Variants in SYNE2 observed in about 807,000 individuals in gnomAD.
SYNE2 encodes nesprin-2.
In SYNE2, 431 loss-of-function variants were observed where a neutral mutation model predicts 856.3. The ratio of observed to expected loss-of-function variants is 0.50; its 90% CI spans 0.47 to 0.55. The LOEUF is 0.55. Among genes scored for constraint, SYNE2 ranks in the 20% least tolerant of loss-of-function variants. SYNE2 has a pLI of 0.00. For synonymous variants in SYNE2, 2,923 were observed against 2,872.3 expected, an observed-to-expected ratio of 1.02 and a Z score of -0.56; for missense variants, 8,129 against 8,023.2, an observed-to-expected ratio of 1.01 and a Z score of -0.50.
chr14:64,149,435 G>A lies in SYNE2; in HGVS notation c.15640-3129G>A, dbSNP rs376048347. Among the ~76,000 whole-genome samples, 170 of 148,154 alleles carry A rather than the reference G, an allele frequency of 1.1e-3. 3 individuals are homozygous for A. The South Asian group carries it at 0.034, about 29-fold the overall frequency. ...GTGGCTTTACTCTAGAAAAGTTAAG[G>A]ACTGGAGTTGATGAAGCATGAAGAC... On this transcript the variant is annotated intron_variant, in intron 84 of 115. Coordinates refer to ENST00000555002, the MANE Select transcript of SYNE2 (RefSeq NM_182914.3).
intron 100 of SYNE2, among the ~76,000 whole-genome samples, chr14:64,205,050 T>G (rs1358071951): frequency 6.6e-6 from 1 of 152,182 alleles, no homozygotes; most frequent in Non-Finnish European, 1.5e-5. Context: ...TCTAGCTGAC[T>G]CCTCTTCTGC....
At chr14:63,817,278 T>C (rs1889028377) in intron 1 of SYNE2, among the ~76,000 whole-genome samples, 1 of 151,750 alleles carries the variant, frequency 6.6e-6, no homozygotes, top group African/African-American at 2.4e-5. Flanking sequence ...CTGGGCAACA[T>C]GGAAAAATCC....
intron 1 of SYNE2, among the ~76,000 whole-genome samples, chr14:63,893,653 A>C (rs2095187160): frequency 6.6e-6 from 1 of 152,232 alleles, no homozygotes; most frequent in Admixed American, 6.5e-5. Flanking sequence ...TTATGTAGCA[A>C]CTATATGGCA....
At chr14:64,178,201 G>A (rs563590664) in intron 96 of SYNE2, among the ~76,000 whole-genome samples, 1 of 152,304 alleles carries the variant, frequency 6.6e-6, no homozygotes, top group South Asian at 2.1e-4. Context: ...AATTAGGCCA[G>A]AAATTAGTGT....
chr14:64,222,191 C>T (rs764310496), intron 112 of SYNE2, among the ~76,000 whole-genome samples: 2 of 152,114 alleles, frequency 1.3e-5, no homozygotes, highest in Non-Finnish European at 2.9e-5. Context: ...CATTTTCATC[C>T]ATAAATCTGT....
intron 85 of SYNE2, among the ~76,000 whole-genome samples, chr14:64,158,376 C>T (rs150100963): frequency 2.0e-4 from 30 of 152,318 alleles, no homozygotes; most frequent in Admixed American, 3.3e-4. Context: ...TGGGCTGTCT[C>T]TTCCTAGTCT....
chr14:64,001,487 C>G (rs1052438722), intron 28 of SYNE2, among the ~76,000 whole-genome samples: 1 of 152,042 alleles, frequency 6.6e-6, no homozygotes, highest in Non-Finnish European at 1.5e-5. Flanking sequence ...GAGTTCGAGA[C>G]CAGCCTGGTC....
intron 2 of SYNE2, among the ~76,000 whole-genome samples, chr14:63,934,446 C>T (rs1293234702): frequency 1.3e-5 from 2 of 151,768 alleles, no homozygotes; most frequent in African/African-American, 4.8e-5. Context: ...CAGTTAGAGC[C>T]CTGATTTTGC....
Position 64,208,792 on chromosome 14 carries a change from G to T in SYNE2, c.18236G>T (p.Gly6079Val). ...CGAGATATTGAACAACACAGCGCAG[G>T]GGTGGAGTCCGTGTTTAACATCTGT... Reference protein sequence around the residue: ...LQRDIEQHSAGVESVFNICDV... With the variant: ...LQRDIEQHSAVVESVFNICDV... Residue 6079 changes from glycine (G) to valine (V), a missense_variant, in exon 101 of 116, where the codon GGG (glycine) becomes GTG (valine). Gly to Val is a moderately radical substitution (Grantham distance 109, BLOSUM62 -3). Transcript: ENST00000555002. 1 of 1,614,226 alleles carries T rather than the reference G, an allele frequency of 6.2e-7. No individual in the cohort carries two copies. Among genetic ancestry groups the T allele is most frequent in the Non-Finnish European group, 8.5e-7 (1 of 1,180,048 alleles).
At chr14:63,879,589 G>T (rs2094811077) in intron 1 of SYNE2, among the ~76,000 whole-genome samples, 1 of 152,210 alleles carries the variant, frequency 6.6e-6, no homozygotes, top group Non-Finnish European at 1.5e-5. Flanking sequence ...TGTTAATTGT[G>T]CACAGATAGG....
At chr14:63,999,852 A>AT (rs2096740560) in intron 27 of SYNE2, among the ~76,000 whole-genome samples, 2 of 152,148 alleles carry the variant, frequency 1.3e-5, no homozygotes, top group South Asian at 4.1e-4. Flanking sequence ...GCTGCTCTCC[A>AT]TTTTTCATCT....
rs181073965 is a variant in SYNE2 at position 64,130,019 on chromosome 14, C to T, written c.14140-29C>T. 347 of 1,613,244 alleles carry T rather than the reference C, an allele frequency of 2.2e-4. 1 individual carries two copies. The East Asian group carries it at 5.7e-3, about 27-fold the overall frequency. On this transcript the variant is annotated intron_variant, in intron 75 of 115. Transcript: ENST00000555002. ...TTATTGCCCCGGTTGGATGAAAATG[C>T]ATGTGTGCACCTGCTCTTCTCTTTT... is the stretch of plus-strand genomic sequence containing the variant.
At chr14:64,159,070 TG>T (rs1325120312) in intron 86 of SYNE2, among the ~76,000 whole-genome samples, 1 of 152,192 alleles carries the variant, frequency 6.6e-6, no homozygotes, top group Non-Finnish European at 1.5e-5. Flanking sequence ...TTTTGGTTTT[TG>T]AGTGGCCTTT....
chr14:64,007,071 G>A lies in SYNE2; in HGVS notation c.4426G>A (p.Val1476Ile). Residue 1476 changes from valine to isoleucine, a missense_variant, in exon 31 of 116, where the codon GTT becomes ATT. By Grantham distance (29) the Val-to-Ile change is conservative. Coordinates refer to ENST00000555002, the MANE Select transcript of SYNE2 (RefSeq NM_182914.3). The part of the protein sequence containing the change: ...RKKSLIRLDK[V>I]LDEYEEEKRH... ...AAAATCATTAATCAGACTGGATAAG[G>A]TTCTAGATGAATATGAAGAAGAGAA... The A allele has an allele frequency of 1.9e-6, 3 of 1,613,546 alleles. No homozygotes were observed. Among genetic ancestry groups the A allele is most frequent in the Non-Finnish European group, 2.5e-6 (3 of 1,179,668 alleles).
At chr14:63,960,911 G>C (rs2096304990) in intron 8 of SYNE2, 1 of 568,488 alleles carries the variant, frequency 1.8e-6, no homozygotes, top group Non-Finnish European at 3.2e-6. Context: ...ATAAGATTTT[G>C]TAGTCTTTAA....
At chr14:63,925,650 C>T (rs188600744) in intron 2 of SYNE2, among the ~76,000 whole-genome samples, 7 of 152,302 alleles carry the variant, frequency 4.6e-5, no homozygotes, top group African/African-American at 1.2e-4. Context: ...CTCTTCCCCT[C>T]TACCTGCACC....
At chr14:64,186,313 T>C (rs2139493328) in intron 96 of SYNE2, 111 bp from the exon 97 acceptor site, 3 of 1,422,454 alleles carry the variant, frequency 2.1e-6, no homozygotes, top group Non-Finnish European at 2.0e-6. Context: ...TCCCTCCCTC[T>C]CTCCTGGCCT....
chr14:64,126,864 C>A, intron 73 of SYNE2, 57 bp downstream of exon 73: 5 of 1,517,306 alleles, frequency 3.3e-6, no homozygotes, highest in Non-Finnish European at 9.0e-7. Context: ...AGCATGAACC[C>A]CTAATGCCTA....
At chr14:64,008,012 AT>A (rs1375522352) in intron 31 of SYNE2, among the ~76,000 whole-genome samples, 1 of 151,994 alleles carries the variant, frequency 6.6e-6, no homozygotes, top group Non-Finnish European at 1.5e-5. Flanking sequence ...AAAAAAGAAA[AT>A]CAAGCTGTGT....
Sources: gnomAD v4.1 joint callset for allele counts (sites outside exome capture counted in the v4.1 genomes callset) on GRCh38, gnomAD v4.1.1 for gene constraint, MANE v1.5 for transcripts, NCBI Gene and HGNC (gene_info 2026-07-23, HGNC 2026-07-21) for gene names.